The following INPP4B variants were observed in gnomAD, a reference collection of about 807,000 sequenced individuals.
INPP4B encodes the protein inositol polyphosphate 4-phosphatase type II.
INPP4B carries 55 observed loss-of-function variants against 122.5 expected under a neutral mutation model. The ratio of observed to expected loss-of-function variants is 0.45; its 90% CI spans 0.36 to 0.56. The LOEUF is 0.56. Ranked by LOEUF, INPP4B falls within the 20% of genes least tolerant of loss-of-function variation. INPP4B has a pLI of 0.00. For missense variants in INPP4B, 1,000 were observed against 1,097.7 expected (o/e 0.91, Z 1.26); for synonymous variants, 403 against 388.7 (o/e 1.04, Z -0.43).
chr4:142,624,872 G>T (rs1195682790), intron 2 of INPP4B, among the ~76,000 whole-genome samples: 1 of 152,022 alleles, frequency 6.6e-6, no homozygotes, highest in Non-Finnish European at 1.5e-5. Context: ...CAGAATCAAA[G>T]ACAAAAACCA....
intron 1 of INPP4B, among the ~76,000 whole-genome samples, chr4:142,788,784 T>G (rs1212479605): frequency 6.6e-6 from 1 of 152,122 alleles, no homozygotes; most frequent in Non-Finnish European, 1.5e-5. Context: ...CAGGTTGCTG[T>G]GAATGCCATT....
chr4:142,664,676 T>G (rs1755721274), intron 2 of INPP4B, among the ~76,000 whole-genome samples: 1 of 152,010 alleles, frequency 6.6e-6, no homozygotes, highest in Non-Finnish European at 1.5e-5. Flanking sequence ...AAAGCATCAA[T>G]AGAAATGAGA....
At chr4:142,083,946 C>T (rs1329737117) in intron 24 of INPP4B, among the ~76,000 whole-genome samples, 1 of 151,830 alleles carries the variant, frequency 6.6e-6, no homozygotes, top group African/African-American at 2.4e-5. Context: ...ATTTAATGTT[C>T]TAAATTTAAA....
At chr4:142,078,496 T>C (rs554499174) in intron 25 of INPP4B, among the ~76,000 whole-genome samples, 1 of 152,112 alleles carries the variant, frequency 6.6e-6, no homozygotes, top group South Asian at 2.1e-4. Flanking sequence ...AAAAAATATA[T>C]ACTATGTTCA....
chr4:142,646,167 AT>A (rs1362977206), intron 2 of INPP4B, among the ~76,000 whole-genome samples: 1 of 152,180 alleles, frequency 6.6e-6, no homozygotes, highest in Non-Finnish European at 1.5e-5. Flanking sequence ...ACTGGATGGT[AT>A]TTTTAATGTT....
intron 2 of INPP4B, among the ~76,000 whole-genome samples, chr4:142,524,022 G>A (rs1826477735): frequency 6.7e-6 from 1 of 150,090 alleles, no homozygotes; most frequent in Non-Finnish European, 1.5e-5. Context: ...ATTCCATGGT[G>A]TATATGTGCC....
At chr4:142,231,564 A>C (rs1854385163) in intron 12 of INPP4B, among the ~76,000 whole-genome samples, 1 of 152,214 alleles carries the variant, frequency 6.6e-6, no homozygotes, top group Admixed American at 6.5e-5. Context: ...GTTTCTATAT[A>C]ACATTTTCTT....
At chr4:142,354,199 A>G (rs1782843489) in intron 7 of INPP4B, among the ~76,000 whole-genome samples, 1 of 152,054 alleles carries the variant, frequency 6.6e-6, no homozygotes, top group Admixed American at 6.6e-5. Flanking sequence ...CATATTGGGT[A>G]TCTTGTGCCA....
intron 2 of INPP4B, among the ~76,000 whole-genome samples, chr4:142,524,689 A>C (rs973816099): frequency 3.3e-5 from 5 of 152,084 alleles, no homozygotes; most frequent in East Asian, 1.9e-4. Flanking sequence ...ATTCAACAAC[A>C]CTTCATGCTA....
At chr4:142,538,253 A>T (rs1376193436) in intron 2 of INPP4B, among the ~76,000 whole-genome samples, 1 of 152,148 alleles carries the variant, frequency 6.6e-6, no homozygotes, top group Non-Finnish European at 1.5e-5. Context: ...AAATTGGTTA[A>T]ATCCACATGG....
chr4:142,086,875 A>T (rs1561070686), intron 23 of INPP4B, among the ~76,000 whole-genome samples: 1 of 152,238 alleles, frequency 6.6e-6, no homozygotes, highest in Non-Finnish European at 1.5e-5. Context: ...ACAAAAGCAT[A>T]AGACATAGAT....
intron 5 of INPP4B, chr4:142,427,103 A>C (rs999004737): frequency 6.4e-6 from 1 of 155,966 alleles, no homozygotes; most frequent in African/African-American, 2.4e-5. Flanking sequence ...TCTCAAAGAA[A>C]AAAATGACAA....
chr4:142,781,157 G>T (rs1441621944), intron 1 of INPP4B, among the ~76,000 whole-genome samples: 1 of 152,228 alleles, frequency 6.6e-6, no homozygotes, highest in Non-Finnish European at 1.5e-5. Context: ...AGTGGGAACA[G>T]GATGAGGTGT....
chr4:142,313,570 G>C (rs542866464), intron 8 of INPP4B, among the ~76,000 whole-genome samples: 6 of 152,166 alleles, frequency 3.9e-5, no homozygotes, highest in African/African-American at 1.4e-4. Flanking sequence ...GGCTGACAGA[G>C]GTCCATCTGC....
At chr4:142,814,380 A>T (rs1486931451) in intron 1 of INPP4B, among the ~76,000 whole-genome samples, 1 of 152,206 alleles carries the variant, frequency 6.6e-6, no homozygotes, top group African/African-American at 2.4e-5. Context: ...ATGTTAGCAT[A>T]AATTGAAAAA....
chr4:142,293,912 C>T (rs1198635542), intron 9 of INPP4B, among the ~76,000 whole-genome samples: 1 of 152,188 alleles, frequency 6.6e-6, no homozygotes, highest in South Asian at 2.1e-4. Context: ...AACTGGAGGC[C>T]ATTATCTTAA....
intron 3 of INPP4B, among the ~76,000 whole-genome samples, chr4:142,438,958 G>GAATTTATAGATTATTA: frequency 6.6e-6 from 1 of 152,148 alleles, no homozygotes; most frequent in Non-Finnish European, 1.5e-5. Flanking sequence ...ATAAATCACA[G>GAATTTATAGATTATTA]ACATAAAATC....
intron 7 of INPP4B, among the ~76,000 whole-genome samples, chr4:142,316,891 G>A (rs1447869782): frequency 6.6e-6 from 1 of 152,132 alleles, no homozygotes; most frequent in Non-Finnish European, 1.5e-5. Flanking sequence ...CACAAGCTAG[G>A]TAGCAAGCAC....
chr4:142,781,074 T>G (rs1231651493), intron 1 of INPP4B, among the ~76,000 whole-genome samples: 2 of 152,192 alleles, frequency 1.3e-5, no homozygotes, highest in Non-Finnish European at 2.9e-5. Context: ...ATGCGAGATA[T>G]TCTTAAAACT....
Sources: allele counts gnomAD v4.1 joint callset (sites outside exome capture counted in the v4.1 genomes callset), GRCh38; gene constraint gnomAD v4.1.1; transcripts MANE v1.5; gene names NCBI Gene and HGNC (gene_info 2026-07-23, HGNC 2026-07-21).